Variants in PLEKHG6 observed in about 807,000 individuals in gnomAD.
PLEKHG6 encodes pleckstrin homology domain-containing family G member 6.
In PLEKHG6, 91 loss-of-function variants were observed where a neutral mutation model predicts 97.5. The ratio of observed to expected loss-of-function variants is 0.93; its 90% CI spans 0.79 to 1.11. The LOEUF (loss-of-function observed/expected upper bound fraction) is 1.11, where lower values mean the gene tolerates loss of function less well. Among genes scored for constraint, PLEKHG6 ranks in the 50% most tolerant of loss-of-function variants. The pLI is 0.00. For missense variants in PLEKHG6, 1,044 were observed against 1,031.0 expected, an observed-to-expected ratio of 1.01 and a Z score of -0.17; for synonymous variants, 466 against 425.5, an observed-to-expected ratio of 1.10 and a Z score of -1.17.
At chr12:6,318,067 G>A in intron 10 of PLEKHG6, 73 bp downstream of exon 10, 1 of 1,481,910 alleles carries the variant, frequency 6.7e-7, no homozygotes. Context: ...GGGCTGCAAG[G>A]CCAGAACACC....
chr12:6,327,356 C>T lies in PLEKHG6; in HGVS notation c.1773C>T (p.Gly591=). ...VPDDTSDSGY[G]TLIPGTPTGS... ...ATGATACCTCAGACTCTGGCTACGG[C>T]ACTTTGATCCCAGGCACCCCCACGG... Residue 591 remains glycine, a synonymous_variant, in exon 15 of 16, where the codon GGC becomes GGT. Transcript: ENST00000684764. 1 of 1,614,090 alleles carries T rather than the reference C, an allele frequency of 6.2e-7. No homozygotes were observed. The highest frequency in any genetic ancestry group is 8.5e-7 in the Non-Finnish European group (1 of 1,179,946).
At chr12:6,311,775 A>G (rs1044099409) in intron 1 of PLEKHG6, among the ~76,000 whole-genome samples, 1 of 148,102 alleles carries the variant, frequency 6.8e-6, no homozygotes, top group African/African-American at 2.5e-5. Context: ...CTTTTTCCCA[A>G]GCTTTATATG....
In PLEKHG6 at chr12:6,313,751, G is replaced by A; in HGVS notation, c.261G>A (p.Val87=). The A allele has an allele frequency of 6.2e-7, 1 of 1,606,224 alleles. No homozygotes were observed. Among genetic ancestry groups the A allele is most frequent in the Non-Finnish European group, 8.5e-7 (1 of 1,176,332 alleles). Residue 87 remains valine, a synonymous_variant, in exon 3 of 16, where the codon GTG becomes GTA. Coordinates refer to ENST00000684764, the MANE Select transcript of PLEKHG6 (RefSeq NM_001384598.1). ...PEPEKRHGGH[V]GAGLLHSPKL... ...CCGAGAAGAGGCACGGGGGCCATGT[G>A]GGGGCTGGCCTGCTTCACTCCCCCA...
In PLEKHG6 at chr12:6,317,563, A is replaced by G; in HGVS notation, c.884A>G (p.Lys295Arg). ...TCCCTGCAGTGGTGTGAGAAGCACAAGCGCTCTGGGAGGCAGATGCTCTGT... is the reference window on the plus strand; with the variant it reads ...TCCCTGCAGTGGTGTGAGAAGCACAGGCGCTCTGGGAGGCAGATGCTCTGT... ...HAFVQWCEKH[K>R]RSGRQMLCDL... Residue 295 changes from lysine (K) to arginine (R), a missense_variant, in exon 9 of 16, where the codon AAG (lysine) becomes AGG (arginine). Coordinates refer to ENST00000684764, the MANE Select transcript of PLEKHG6 (RefSeq NM_001384598.1). The G allele has an allele frequency of 4.3e-6, 7 of 1,613,796 alleles. No individual in the cohort carries two copies. The highest frequency in any genetic ancestry group is 5.9e-6 in the Non-Finnish European group (7 of 1,179,956).
At position 6,326,464 on chromosome 12, in the gene PLEKHG6, C is replaced by T; in HGVS notation, c.1561C>T (p.Gln521Ter). Residue 521 changes from glutamine (Q) to a stop codon, truncating the protein, a stop_gained, in exon 14 of 16, where the codon CAA (glutamine) becomes TAA (stop). Transcript: ENST00000684764. LOFTEE classifies it high-confidence loss of function. Reference sequence around the variant, plus strand: ...GAAGCTGAAGGCAGAGGAGTATGTTCAACAGAAGAGGGAGCTCCTGACCCT... The same window carrying T: ...GAAGCTGAAGGCAGAGGAGTATGTTTAACAGAAGAGGGAGCTCCTGACCCT... ...LQKLKAEEYV[Q>*]QKRELLTLYR... 1 of 1,613,546 alleles carries T rather than the reference C, an allele frequency of 6.2e-7. No individual in the cohort carries two copies. The highest frequency in any genetic ancestry group is 8.5e-7 in the Non-Finnish European group (1 of 1,179,770).
At chr12:6,313,011 G>A (rs1026807044) in intron 2 of PLEKHG6, 81 of 1,469,836 alleles carry the variant, frequency 5.5e-5, no homozygotes, top group East Asian at 2.3e-4. Context: ...CTGTGGGTGA[G>A]AAGGGAGACT....
rs1357627616 is a variant in PLEKHG6 at position 6,315,822 on chromosome 12, C to G, written c.556-47C>G. 1.3e-6 allele frequency: 2 copies of G among 1,516,216 alleles called. No homozygotes were observed. Among genetic ancestry groups the G allele is most frequent in the Non-Finnish European group, 1.8e-6 (2 of 1,119,648 alleles). 93.9% of individuals were successfully genotyped at this position (1,516,216 alleles called of 1,614,324 possible). On this transcript the variant is annotated intron_variant, in intron 5 of 15. Coordinates refer to ENST00000684764, the MANE Select transcript of PLEKHG6 (RefSeq NM_001384598.1). The surrounding 1 kb of genome is among the most constrained non-coding windows in gnomAD (Gnocchi z 4.5). ...TGGTGGGGGGTGGGAGGTGACGACA[C>G]TGAAGGGCTGCGCTGGGTCCTGAGA... is the stretch of plus-strand genomic sequence containing the variant.
At chr12:6,310,980 C>A (rs749929) in intron 1 of PLEKHG6, 132 bp downstream of exon 1, 41,916 of 152,190 alleles carry the variant, frequency 0.28, 7,956 homozygotes, top group African/African-American at 0.52. Flanking sequence ...TGGGCTGAGA[C>A]AGGACCCTGG....
At chr12:6,319,665 C>T (rs1947636192) in intron 13 of PLEKHG6, 1 of 1,534,850 alleles carries the variant, frequency 6.5e-7, no homozygotes, top group Admixed American at 2.0e-5. Context: ...GATACAGCAT[C>T]CCCTGAAGGT....
chr12:6,315,299 G>GAACCCAGATCAAC lies in PLEKHG6; in HGVS notation c.459+130_459+131insAACCCAGATCAAC. 1.0e-6 allele frequency: 1 copy of GAACCCAGATCAAC among 984,754 alleles called. No homozygotes were observed. The highest frequency in any genetic ancestry group is 1.5e-6 in the Non-Finnish European group (1 of 676,460). 61.0% of individuals were successfully genotyped at this position (984,754 alleles called of 1,614,324 possible). A position where few individuals can be genotyped will look rare whatever the true frequency, so the allele number is the denominator to read the frequency against. On this transcript the variant is annotated intron_variant, in intron 4 of 15. Coordinates refer to ENST00000684764, the MANE Select transcript of PLEKHG6 (RefSeq NM_001384598.1). The surrounding 1 kb of genome is among the most constrained non-coding windows in gnomAD (Gnocchi z 4.5). ...AAAACATCTGGAAACGCGTTGATCT[G>GAACCCAGATCAAC]GGTTCAGATCCCAGCTCTGCCACTT...
chr12:6,328,114 A>T (rs755709599), intron 15 of PLEKHG6, 22 bp from the exon 16 acceptor site: 1 of 1,613,998 alleles, frequency 6.2e-7, no homozygotes, highest in East Asian at 2.2e-5. Flanking sequence ...ATGTCGCCTA[A>T]CACCCCCTCC....
At chr12:6,318,015 G>C (rs71584815) in intron 10 of PLEKHG6, 21 bp downstream of exon 10, 4 of 1,573,110 alleles carry the variant, frequency 2.5e-6, no homozygotes, top group African/African-American at 2.7e-5. Context: ...AAAGGGAAGG[G>C]ACCCAGGAAA....
chr12:6,312,757 G>A (rs1386733598), intron 2 of PLEKHG6: 14 of 1,176,298 alleles, frequency 1.2e-5, no homozygotes, highest in Non-Finnish European at 1.5e-5. Context: ...GATGAGCAAA[G>A]GTTCAGGGTG....
chr12:6,328,456 C>T lies in PLEKHG6; in HGVS notation c.*311C>T, dbSNP rs1280357978. 1 of 350,626 alleles carries T rather than the reference C, an allele frequency of 2.9e-6. No homozygotes were observed. The highest frequency in any genetic ancestry group is 2.1e-5 in the African/African-American group (1 of 47,264). The allele number at this position is 350,626 out of a possible 1,614,324, so 21.7% of individuals were successfully genotyped here. A position where few individuals can be genotyped will look rare whatever the true frequency, so the allele number is the denominator to read the frequency against. On this transcript the variant is annotated 3_prime_UTR_variant, in exon 16 of 16. Transcript: ENST00000684764. The stretch of plus-strand genomic sequence containing the variant: ...TTGAGCCCAGGAGTTCCAGACCAGC[C>T]TGGGCAATATAGGGAAACCCTGTCT...
chr12:6,310,819 C>T lies in PLEKHG6; in HGVS notation c.-98C>T, dbSNP rs1345638164. On this transcript the variant is annotated 5_prime_UTR_variant, in exon 1 of 16. Transcript: ENST00000684764. ...CGCGGGCGGGGAGGGCGGCGCAGGGCAGCGGGTGCGGTGACACCTGTGGGC... is the reference window on the plus strand; with the variant it reads ...CGCGGGCGGGGAGGGCGGCGCAGGGTAGCGGGTGCGGTGACACCTGTGGGC... 2 of 152,964 alleles carry T rather than the reference C, an allele frequency of 1.3e-5. No individual in the cohort carries two copies. The highest frequency in any genetic ancestry group is 4.8e-5 in the African/African-American group (2 of 41,414). The allele number at this position is 152,964 out of a possible 1,614,324, so 9.5% of individuals were successfully genotyped here.
intron 13 of PLEKHG6, chr12:6,319,516 A>G (rs923145281): frequency 1.3e-6 from 2 of 1,504,272 alleles, no homozygotes; most frequent in East Asian, 4.9e-5. Context: ...AGAGGGGAGG[A>G]GGAGAGAGGC....
rs1947567069 is a variant in PLEKHG6 at position 6,318,427 on chromosome 12, G to T, written c.1275+7G>T. On this transcript the variant is annotated splice_region_variant and intron_variant, in intron 11 of 15. Transcript: ENST00000684764. ...GGAGGGACGAGAAGGGAAGGTGAGG[G>T]TGCTGCGGACAGAGTGGAGGGGATG... 3.7e-6 allele frequency: 6 copies of T among 1,603,174 alleles called. No individual in the cohort carries two copies. Among genetic ancestry groups the T allele is most frequent in the Non-Finnish European group, 5.1e-6 (6 of 1,175,320 alleles).
rs1177285802 is a variant in PLEKHG6, at chr12:6,312,331, T to C, written c.105T>C (p.Ala35=). 6.3e-7 allele frequency: 1 copy of C among 1,583,320 alleles called. No individual in the cohort carries two copies. Among genetic ancestry groups the C allele is most frequent in the Non-Finnish European group, 8.6e-7 (1 of 1,167,964 alleles). Residue 35 remains alanine (A), a synonymous_variant, in exon 2 of 16, where the codon GCT becomes GCC. Coordinates refer to ENST00000684764, the MANE Select transcript of PLEKHG6 (RefSeq NM_001384598.1). ...ATCGAGCCTCTGCTCAGAGCACTGC[T>C]GGCAGACTCTATCCCCGAGGATACC... ...GRHRASAQST[A]GRLYPRGYPV... is the part of the protein sequence containing the mutation.
At chr12:6,311,639 G>A (rs1369787207) in intron 1 of PLEKHG6, among the ~76,000 whole-genome samples, 1 of 152,172 alleles carries the variant, frequency 6.6e-6, no homozygotes, top group Admixed American at 6.5e-5. Flanking sequence ...TGCAGGGGGG[G>A]CAGCAGTTGT....
Sources: gnomAD v4.1 joint callset for allele counts (sites outside exome capture counted in the v4.1 genomes callset) on GRCh38, gnomAD v4.1.1 for gene constraint, Gnocchi (gnomAD v3.1) non-coding constraint, MANE v1.5 for transcripts, NCBI Gene and HGNC (gene_info 2026-07-23, HGNC 2026-07-21) for gene names.